The following PLXNA1 variants were observed in gnomAD, a reference collection of about 807,000 sequenced individuals.
PLXNA1 encodes the protein plexin-A1.
Under a neutral mutation model 191.7 loss-of-function variants are expected in PLXNA1, and 77 were observed. The ratio of observed to expected loss-of-function variants is 0.40; its 90% confidence interval spans 0.33 to 0.49. The LOEUF (loss-of-function observed/expected upper bound fraction) is 0.49, where lower values mean the gene tolerates loss of function less well. PLXNA1 is among the 20% of genes least tolerant of loss of function. PLXNA1 has a pLI of 0.63. For missense variants in PLXNA1, 2,110 were observed against 2,660.2 expected (o/e 0.79, Z 4.55); for synonymous variants, 1,137 against 1,156.4 (o/e 0.98, Z 0.34).
chr3:127,020,282 A>T lies in PLXNA1; in HGVS notation c.3976A>T (p.Thr1326Ser), dbSNP rs753390294. The T allele has an allele frequency of 3.7e-6, 6 of 1,613,070 alleles. No homozygotes were observed. The African/African-American group carries it at 4.0e-5, about 11-fold the overall frequency. The change falls in exon 21 of 32, where the codon ACA becomes TCA. Residue 1326 changes from threonine to serine, a missense_variant. Physicochemically the swap from Thr to Ser is moderately conservative, Grantham distance 58 (BLOSUM62 1). This residue lies in a region of PLXNA1 where 559 missense variants were observed against 911.5 expected (regional missense o/e 0.61). Transcript: ENST00000393409. ...GAGIPFLDYR[T>S]YAMRVLFPGI... is the part of the protein sequence containing the mutation. ...CGGCATCCCCTTCCTTGACTACCGG[A>T]CATATGCCATGCGGGTGCTCTTTCC...
intron 3 of PLXNA1, among the ~76,000 whole-genome samples, chr3:126,995,049 T>G (rs976667580): frequency 6.6e-6 from 1 of 152,082 alleles, no homozygotes; most frequent in African/African-American, 2.4e-5. Context: ...GCCAGTCTTT[T>G]CCGGGCTTTA....
chr3:127,015,330 G>A lies in PLXNA1; in HGVS notation c.3014+10G>A. 2 of 1,590,600 alleles carry A rather than the reference G, an allele frequency of 1.3e-6. No individual in the cohort carries two copies. The highest frequency in any genetic ancestry group is 1.3e-5 in the African/African-American group (1 of 74,314). On this transcript the variant is annotated intron_variant, in intron 15 of 31. Transcript: ENST00000393409. Reference sequence around the variant, plus strand: ...CCTGCTCCTTCTCCTGGTACGGGGTGCAGGTGGGGGTGGGGGCCTGGCTGC... The same window carrying A: ...CCTGCTCCTTCTCCTGGTACGGGGTACAGGTGGGGGTGGGGGCCTGGCTGC...
rs753336807 is a variant in PLXNA1, at chr3:127,016,691, C to T, written c.3182+7C>T. Reference sequence around the variant, plus strand: ...CCGAGTGGAGCATCAACAGGTGGGGCCCAGCAACACCCATTCCCTATCCCC... The same window carrying T: ...CCGAGTGGAGCATCAACAGGTGGGGTCCAGCAACACCCATTCCCTATCCCC... On this transcript the variant is annotated splice_region_variant and intron_variant, in intron 16 of 31. Coordinates refer to ENST00000393409, the MANE Select transcript of PLXNA1 (RefSeq NM_032242.4). 7 of 1,613,516 alleles carry T rather than the reference C, an allele frequency of 4.3e-6. No individual in the cohort carries two copies. The Admixed American group carries it at 1.2e-4, about 27-fold the overall frequency.
At chr3:127,005,934 G>T (rs1337983825) in intron 7 of PLXNA1, 145 bp from the exon 8 acceptor site, 3 of 704,290 alleles carry the variant, frequency 4.3e-6, no homozygotes, top group Non-Finnish European at 7.8e-6. Context: ...GTCACCTGGG[G>T]GCTGAGGGGG....
intron 15 of PLXNA1, among the ~76,000 whole-genome samples, chr3:127,015,931 G>C (rs766562010): frequency 6.6e-6 from 1 of 152,192 alleles, no homozygotes; most frequent in Non-Finnish European, 1.5e-5. Flanking sequence ...TGCGGGGATA[G>C]GGCGAGGTAT....
chr3:127,010,600 A>G (rs2079090500), intron 9 of PLXNA1, among the ~76,000 whole-genome samples: 1 of 152,026 alleles, frequency 6.6e-6, no homozygotes, highest in Non-Finnish European at 1.5e-5. Flanking sequence ...TGGGGCAGGC[A>G]GGTAGGGGCC....
rs754002510 is a variant in PLXNA1, at chr3:127,016,977, C to T, written c.3216C>T (p.Asn1072=). The change falls in exon 17 of 32, where the codon AAC becomes AAT. Residue 1072 remains asparagine (N), a synonymous_variant. Coordinates refer to ENST00000393409, the MANE Select transcript of PLXNA1 (RefSeq NM_032242.4). ...GGTLLTVTGT[N]LATVREPRIR... ...CCCTCCTGACGGTCACAGGCACCAA[C>T]CTGGCCACTGTCCGTGAACCCCGAA... The T allele has an allele frequency of 1.1e-5, 18 of 1,613,454 alleles. No individual in the cohort carries two copies. The highest frequency in any genetic ancestry group is 1.5e-5 in the Non-Finnish European group (18 of 1,179,958).
At chr3:127,031,370 G>A (rs575771927) in intron 29 of PLXNA1, among the ~76,000 whole-genome samples, 29 of 152,284 alleles carry the variant, frequency 1.9e-4, no homozygotes, top group Non-Finnish European at 3.4e-4. Context: ...CTGCATGGCC[G>A]AGGGCTTCTG....
chr3:127,004,487 A>AT, intron 4 of PLXNA1, 124 bp from the exon 5 acceptor site: 1 of 727,906 alleles, frequency 1.4e-6, no homozygotes, highest in Non-Finnish European at 2.4e-6. Flanking sequence ...CTGCCTTTGA[A>AT]TAGACTGAGA....
In PLXNA1 at chr3:127,018,489, G is replaced by A. The variant is rs776587630; in HGVS notation, c.3856G>A (p.Asp1286Asn). The change falls in exon 20 of 32, where the codon GAC becomes AAC. Residue 1286 changes from aspartate (D) to asparagine (N), a missense_variant. Asp to Asn is a conservative substitution (Grantham distance 23, BLOSUM62 1). Around this residue, in one of 4 missense-constraint regions of PLXNA1, gnomAD observed 559 missense variants for 911.5 expected, o/e 0.61. Transcript: ENST00000393409. Reference sequence around the variant, plus strand: ...ACTCAAGCGGCTGCAGCTCCAGATGGACAACCTGGAGTCCCGCGTGGCCCT... The same window carrying A: ...ACTCAAGCGGCTGCAGCTCCAGATGAACAACCTGGAGTCCCGCGTGGCCCT... ...RTLKRLQLQM[D>N]NLESRVALEC... is the part of the protein sequence containing the mutation. The A allele has an allele frequency of 6.2e-7, 1 of 1,612,306 alleles. No homozygotes were observed. Among genetic ancestry groups the A allele is most frequent in the Non-Finnish European group, 8.5e-7 (1 of 1,179,404 alleles).
chr3:127,025,819 C>T (rs922900154), intron 23 of PLXNA1, among the ~76,000 whole-genome samples: 2 of 152,212 alleles, frequency 1.3e-5, no homozygotes, highest in African/African-American at 4.8e-5. Flanking sequence ...AGTAGTCTGC[C>T]TTAGAAAGGA....
rs749105753 is a variant in PLXNA1, at chr3:126,988,824, C to A, written c.231C>A (p.Asn77Lys). The A allele has an allele frequency of 1.2e-5, 19 of 1,613,266 alleles. No individual in the cohort carries two copies. Among genetic ancestry groups the A allele is most frequent in the East Asian group, 2.2e-5 (1 of 44,896 alleles). Residue 77 changes from asparagine to lysine, a missense_variant, in exon 2 of 32, where the codon AAC (asparagine) becomes AAA (lysine). Coordinates refer to ENST00000393409, the MANE Select transcript of PLXNA1 (RefSeq NM_032242.4). ...AVNRIYKLSG[N>K]LTLLRAHVTG... ...ACCGCATCTATAAGCTGTCGGGGAA[C>A]CTGACACTGCTGCGGGCCCACGTCA...
At chr3:127,026,651 A>G (rs1023218588) in intron 23 of PLXNA1, 2 of 152,256 alleles carry the variant, frequency 1.3e-5, no homozygotes, top group Admixed American at 1.3e-4. Flanking sequence ...AAGGTCTGGG[A>G]TGGTCTTAAC....
chr3:127,017,301 C>A, intron 17 of PLXNA1, 124 bp from the exon 18 acceptor site: 1 of 1,394,314 alleles, frequency 7.2e-7, no homozygotes, highest in Non-Finnish European at 9.7e-7. Context: ...CCAGGACCAG[C>A]CCTGCTAGTG....
rs749836888 is a variant in PLXNA1 at position 127,016,542 on chromosome 3, C to T, written c.3040C>T (p.Leu1014=). The part of the protein sequence containing the change: ...SWRNSREIRC[L]TPPGQSPGSA... Reference sequence around the variant, plus strand: ...GAGGAACTCCCGTGAGATCCGGTGCCTGACACCCCCCGGGCAGAGCCCTGG... The same window carrying T: ...GAGGAACTCCCGTGAGATCCGGTGCTTGACACCCCCCGGGCAGAGCCCTGG... Residue 1014 remains leucine, a synonymous_variant, in exon 16 of 32, where the codon CTG becomes TTG. Coordinates refer to ENST00000393409, the MANE Select transcript of PLXNA1 (RefSeq NM_032242.4). 1.2e-6 allele frequency: 2 copies of T among 1,613,726 alleles called. No individual in the cohort carries two copies. Among genetic ancestry groups the T allele is most frequent in the South Asian group, 2.2e-5 (2 of 91,080 alleles).
At position 127,036,514 on chromosome 3, in the gene PLXNA1, C is replaced by T. The variant is rs2079244225; in HGVS notation, c.*2497C>T. 1.3e-5 allele frequency: 2 copies of T among 152,496 alleles called. No homozygotes were observed. The highest frequency in any genetic ancestry group is 4.1e-4 in the South Asian group (2 of 4,836). 9.4% of individuals were successfully genotyped at this position (152,496 alleles called of 1,614,324 possible). A position where few individuals can be genotyped will look rare whatever the true frequency, so the allele number is the denominator to read the frequency against. ...CATGCGCAAGGATCAAGCCGACTAC[C>T]TGTGCTGTCTACTGGGACAGCAGTC... On this transcript the variant is annotated 3_prime_UTR_variant, in exon 32 of 32. Coordinates refer to ENST00000393409, the MANE Select transcript of PLXNA1 (RefSeq NM_032242.4).
rs377390868 is a variant in PLXNA1, at chr3:126,991,497, C to T, written c.1308C>T (p.Ala436=). 2.2e-4 allele frequency: 347 copies of T among 1,612,382 alleles called. No homozygotes were observed. The highest frequency in any genetic ancestry group is 2.8e-4 in the Non-Finnish European group (326 of 1,179,598). ...TGGACAAGGATGATGGCCTGACCGC[C>T]GTGGCTGCCTATGACTATCGGGGCC... is the stretch of plus-strand genomic sequence containing the variant. ...LFVDKDDGLT[A]VAAYDYRGRT... Residue 436 remains alanine, a synonymous_variant, in exon 3 of 32, where the codon GCC becomes GCT. Transcript: ENST00000393409.
chr3:127,030,424 C>A lies in PLXNA1; in HGVS notation c.5231+12C>A. 6.2e-7 allele frequency: 1 copy of A among 1,613,072 alleles called. No individual in the cohort carries two copies. The highest frequency in any genetic ancestry group is 8.5e-7 in the Non-Finnish European group (1 of 1,179,676). On this transcript the variant is annotated intron_variant, in intron 29 of 31. Transcript: ENST00000393409. ...TGGAAGAGCAACTGGTAATGCAGGGCAGGGGGAGGAGGGGCATCCCCCAGG... is the reference window on the plus strand; with the variant it reads ...TGGAAGAGCAACTGGTAATGCAGGGAAGGGGGAGGAGGGGCATCCCCCAGG...
intron 17 of PLXNA1, 84 bp from the exon 18 acceptor site, chr3:127,017,341 G>A: frequency 6.6e-7 from 1 of 1,526,474 alleles, no homozygotes; most frequent in Non-Finnish European, 8.8e-7. Flanking sequence ...GGAGCAGGCA[G>A]CCCCCAGGCC....
Sources: allele counts gnomAD v4.1 joint callset (sites outside exome capture counted in the v4.1 genomes callset), GRCh38; gene constraint gnomAD v4.1.1; regional missense constraint gnomAD v4.1.1; transcripts MANE v1.5; gene names NCBI Gene and HGNC (gene_info 2026-07-23, HGNC 2026-07-21).